Variants in PANK1 observed in about 807,000 individuals in gnomAD.
PANK1 encodes pantothenate kinase 1.
In PANK1, 18 loss-of-function variants were observed where a neutral mutation model predicts 40.1. The ratio of observed to expected loss-of-function variants is 0.45; its 90% CI spans 0.31 to 0.67. The LOEUF is 0.67. Ranked by LOEUF, PANK1 falls within the 30% of genes least tolerant of loss-of-function variation. The probability of loss-of-function intolerance (pLI) is 0.06; values close to 1 mark genes in which losing one functional copy is unlikely to be tolerated. For synonymous variants in PANK1, 242 were observed against 237.7 expected, an observed-to-expected ratio of 1.02 and a Z score of -0.17; for missense variants, 457 against 599.6, an observed-to-expected ratio of 0.76 and a Z score of 2.48.
intron 2 of PANK1, among the ~76,000 whole-genome samples, chr10:89,609,847 A>C (rs1845097886): frequency 6.6e-6 from 1 of 152,250 alleles, no homozygotes. Context: ...GCTCATGGCC[A>C]ACACATATTG....
chr10:89,595,836 AT>A (rs1564620097), intron 3 of PANK1, among the ~76,000 whole-genome samples: 212 of 46,258 alleles, frequency 4.6e-3, no homozygotes, highest in Non-Finnish European at 6.0e-3. Context: ...AAAAAAAAAT[AT>A]ATATATATAT....
At chr10:89,587,682 A>T (rs2133919310) in intron 6 of PANK1, among the ~76,000 whole-genome samples, 1 of 152,368 alleles carries the variant, frequency 6.6e-6, no homozygotes, top group South Asian at 2.1e-4. Context: ...CGTTGGTCTC[A>T]CATCAAAAGA....
At chr10:89,606,504 C>T (rs979412632) in intron 2 of PANK1, among the ~76,000 whole-genome samples, 1 of 152,112 alleles carries the variant, frequency 6.6e-6, no homozygotes, top group African/African-American at 2.4e-5. Context: ...AAACCAACAA[C>T]CTCTGCTACC....
chr10:89,644,335 T>C (rs1016721842), intron 1 of PANK1, among the ~76,000 whole-genome samples: 5 of 152,188 alleles, frequency 3.3e-5, no homozygotes, highest in African/African-American at 1.2e-4. Flanking sequence ...TTATATATCC[T>C]TGACCTAGGG....
intron 5 of PANK1, among the ~76,000 whole-genome samples, chr10:89,591,907 G>C (rs1844401361): frequency 6.6e-6 from 1 of 152,226 alleles, no homozygotes; most frequent in Admixed American, 6.5e-5. Flanking sequence ...TCTGCGGAAA[G>C]TAGGGGAAAG....
intron 2 of PANK1, among the ~76,000 whole-genome samples, chr10:89,604,390 G>A (rs118068373): frequency 6.6e-6 from 1 of 152,192 alleles, no homozygotes; most frequent in East Asian, 1.9e-4. Flanking sequence ...GTTTCTTAGT[G>A]CATATAAAAG....
At chr10:89,634,363 C>G (rs1349885923) in intron 1 of PANK1, among the ~76,000 whole-genome samples, 1 of 152,154 alleles carries the variant, frequency 6.6e-6, no homozygotes, top group African/African-American at 2.4e-5. Flanking sequence ...TCATACAGGT[C>G]CAGTCTGTCC....
At chr10:89,625,658 A>C (rs1351630397) in intron 1 of PANK1, 3 of 152,166 alleles carry the variant, frequency 2.0e-5, no homozygotes, top group Non-Finnish European at 2.9e-5. Context: ...ACAGACAACC[A>C]TGTGAAATTA....
intron 1 of PANK1, among the ~76,000 whole-genome samples, chr10:89,617,803 A>C (rs955675651): frequency 6.6e-6 from 1 of 152,242 alleles, no homozygotes; most frequent in Non-Finnish European, 1.5e-5. Flanking sequence ...TGAGGGCTTA[A>C]TTCTTGGTAT....
At chr10:89,580,594 A>T (rs935154526), downstream of PANK1, 2 of 151,996 alleles carry the variant, frequency 1.3e-5, no homozygotes, top group African/African-American at 4.8e-5. Context: ...CTTCCTCTCC[A>T]CTTAGTGATT....
intron 1 of PANK1, chr10:89,639,178 A>G (rs917587597): frequency 1.1e-5 from 5 of 452,976 alleles, no homozygotes; most frequent in African/African-American, 2.0e-5. Flanking sequence ...TCCAAGATCG[A>G]GGGACTGCAT....
intron 5 of PANK1, among the ~76,000 whole-genome samples, chr10:89,591,822 CA>C (rs1460366091): frequency 4.6e-5 from 7 of 152,196 alleles, no homozygotes; most frequent in African/African-American, 7.2e-5. Flanking sequence ...TGCTCTCTCC[CA>C]AAGGGATTCT....
chr10:89,626,749 C>T (rs1845672729), intron 1 of PANK1: 1 of 152,260 alleles, frequency 6.6e-6, no homozygotes, highest in Non-Finnish European at 1.5e-5. Flanking sequence ...GAGCTGAGCA[C>T]AGCATCCACC....
intron 2 of PANK1, among the ~76,000 whole-genome samples, chr10:89,602,655 G>A (rs11812431): frequency 1.3e-5 from 2 of 152,254 alleles, no homozygotes; most frequent in Admixed American, 6.5e-5. Flanking sequence ...ACTCTTTCTC[G>A]GGGCTTAGTT....
chr10:89,581,872 T>G (rs1216629059), downstream of PANK1: 1 of 152,222 alleles, frequency 6.6e-6, no homozygotes, highest in African/African-American at 2.4e-5. Flanking sequence ...CAAGATAGAT[T>G]TCTTAAGTAT....
At chr10:89,591,997 T>G (rs947657823) in intron 5 of PANK1, among the ~76,000 whole-genome samples, 6 of 152,184 alleles carry the variant, frequency 3.9e-5, no homozygotes, top group Non-Finnish European at 8.8e-5. Context: ...TACACACATA[T>G]TGGTCTTGGG....
chr10:89,595,134 T>C (rs1844522356), intron 3 of PANK1, among the ~76,000 whole-genome samples: 1 of 152,206 alleles, frequency 6.6e-6, no homozygotes, highest in African/African-American at 2.4e-5. Context: ...TGTAGATAGG[T>C]ACATAGTTCT....
intron 1 of PANK1, among the ~76,000 whole-genome samples, chr10:89,637,889 T>C (rs1327363616): frequency 6.6e-6 from 1 of 151,902 alleles, no homozygotes; most frequent in African/African-American, 2.4e-5. Flanking sequence ...TTTCTTTATA[T>C]TCTCATTCTA....
At chr10:89,610,088 G>A (rs757968184) in intron 2 of PANK1, among the ~76,000 whole-genome samples, 1 of 152,208 alleles carries the variant, frequency 6.6e-6, no homozygotes, top group Non-Finnish European at 1.5e-5. Context: ...GACACTGCTA[G>A]AAGCTTTTGA....
Sources: allele counts gnomAD v4.1 joint callset (sites outside exome capture counted in the v4.1 genomes callset), GRCh38; gene constraint gnomAD v4.1.1; transcripts MANE v1.5; gene names NCBI Gene and HGNC (gene_info 2026-07-23, HGNC 2026-07-21).